Variants in SLC2A14 observed in about 807,000 individuals in gnomAD.
SLC2A14 encodes the protein solute carrier family 2, facilitated glucose transporter member 14.
In SLC2A14, 13 loss-of-function variants were observed where a neutral mutation model predicts 43.0. The observed-to-expected ratio is 0.30, with a 90% CI of 0.20 to 0.48. SLC2A14 has a LOEUF of 0.48. Ranked by LOEUF, SLC2A14 falls within the 20% of genes least tolerant of loss-of-function variation. The pLI, the probability that SLC2A14 is intolerant of heterozygous loss-of-function variation, is 0.99. For synonymous variants in SLC2A14, 190 were observed against 233.8 expected (o/e 0.81, Z 1.71); for missense variants, 428 against 620.4 (o/e 0.69, Z 3.29).
chr12:7,823,498 A>G (rs1209270296), intron 7 of SLC2A14, among the ~76,000 whole-genome samples: 2 of 152,158 alleles, frequency 1.3e-5, no homozygotes, highest in Non-Finnish European at 2.9e-5. Context: ...CAAGGCGGGC[A>G]GATCACCTTA....
rs369904214 is a variant in SLC2A14, at chr12:7,862,582, G to A, written c.18+7281C>T. ...GCTAAGGAATGCGAGCACATGGCGC[G>A]GGACTGGCAGGCAGCTCCACCTGCA... On this transcript the variant is annotated intron_variant, in intron 2 of 10. Transcript: ENST00000431042. Among the ~76,000 whole-genome samples the A allele has an allele frequency of 6.6e-5, 10 of 152,256 alleles. No homozygotes were observed. In the South Asian group the frequency reaches 8.3e-4, roughly 13 times the overall value.
intron 10 of SLC2A14, among the ~76,000 whole-genome samples, chr12:7,817,345 C>A (rs1020837628): frequency 1.3e-5 from 2 of 152,034 alleles, no homozygotes; most frequent in African/African-American, 2.4e-5. Context: ...TACCTCCCGA[C>A]CTCAGGTGAT....
upstream of SLC2A14, chr12:7,873,313 G>T: frequency 2.0e-6 from 2 of 985,328 alleles, no homozygotes; most frequent in Non-Finnish European, 2.4e-6. Flanking sequence ...GGGCGGGCCG[G>T]CTGGGCTGGG....
chr12:7,847,268 A>G (rs1372889558), intron 2 of SLC2A14, among the ~76,000 whole-genome samples: 1 of 152,012 alleles, frequency 6.6e-6, no homozygotes, highest in Non-Finnish European at 1.5e-5. Context: ...AGAAAAGAAA[A>G]GGAAAGAAAA....
intron 6 of SLC2A14, 40 bp from the exon 7 acceptor site, chr12:7,827,722 G>A (rs1378232278): frequency 7.4e-7 from 1 of 1,358,076 alleles, no homozygotes; most frequent in Non-Finnish European, 9.9e-7. Context: ...AAGAGAATGT[G>A]CTGCCCCAAA....
intron 2 of SLC2A14, among the ~76,000 whole-genome samples, chr12:7,837,645 A>AAAAAAAAAAAAAAAAAC (rs1865568243): frequency 7.2e-6 from 1 of 138,682 alleles, no homozygotes; most frequent in African/African-American, 2.7e-5. Context: ...TCTCAAAAAA[A>AAAAAAAAAAAAAAAAAC]AAAAAAAAAA....
At chr12:7,880,475 C>CAAA (rs112149113) in intron 1 of SLC2A14, among the ~76,000 whole-genome samples, 75,612 of 145,228 alleles carry the variant, frequency 0.52, 20,437 homozygotes, top group Admixed American at 0.63. Flanking sequence ...ACTCTTGTCT[C>CAAA]AAAAAAAAAA....
chr12:7,875,963 A>G (rs4503616), upstream of SLC2A14, among the ~76,000 whole-genome samples: 128,741 of 151,120 alleles, frequency 0.85, 55,154 homozygotes, highest in South Asian at 0.96. Context: ...GCTACAGAAC[A>G]AGACTTCGTC....
At chr12:7,815,190 C>A (rs1462558844) in intron 10 of SLC2A14, among the ~76,000 whole-genome samples, 1 of 151,766 alleles carries the variant, frequency 6.6e-6, no homozygotes, top group African/African-American at 2.4e-5. Context: ...GCAGGTGGAT[C>A]CCTTGAGGCC....
chr12:7,874,804 A>C (rs1225921112), upstream of SLC2A14, among the ~76,000 whole-genome samples: 1 of 74,338 alleles, frequency 1.3e-5, no homozygotes, highest in Non-Finnish European at 2.5e-5. Flanking sequence ...TAAATAATAT[A>C]TAAATACGTA....
At chr12:7,840,444 A>G (rs190512412) in intron 2 of SLC2A14, among the ~76,000 whole-genome samples, 1 of 152,076 alleles carries the variant, frequency 6.6e-6, no homozygotes, top group East Asian at 1.9e-4. Context: ...CAATGGCGTG[A>G]TTTCGGCTCA....
chr12:7,825,182 T>C lies in SLC2A14; in HGVS notation c.864+2313A>G, dbSNP rs777149556. On this transcript the variant is annotated intron_variant, in intron 7 of 10. Transcript: ENST00000431042. ...GTCCAACAATAATTAAGGTATAGGCTGGGCATGGTGGCTCATGCCTGTAAT... is the reference window on the plus strand; with the variant it reads ...GTCCAACAATAATTAAGGTATAGGCCGGGCATGGTGGCTCATGCCTGTAAT... Among the ~76,000 whole-genome samples, 59 of 151,856 alleles carry C rather than the reference T, an allele frequency of 3.9e-4. 1 individual carries two copies. In the South Asian group the frequency reaches 0.01, roughly 27 times the overall value.
chr12:7,863,497 C>T (rs1944723484), intron 2 of SLC2A14: 5 of 436,120 alleles, frequency 1.1e-5, no homozygotes, highest in Non-Finnish European at 2.3e-5. Context: ...TGTGCTGGTG[C>T]ATGCCTGTAG....
intron 2 of SLC2A14, among the ~76,000 whole-genome samples, chr12:7,863,679 A>G (rs1382767249): frequency 3.3e-5 from 5 of 152,100 alleles, no homozygotes; most frequent in Admixed American, 1.3e-4. Context: ...TCATTGACAT[A>G]TAAACTAAAT....
intron 7 of SLC2A14, among the ~76,000 whole-genome samples, chr12:7,822,433 C>T (rs921063313): frequency 4.6e-5 from 7 of 151,530 alleles, no homozygotes; most frequent in African/African-American, 1.7e-4. Context: ...TTTGGGAGGC[C>T]GAGGCGGGCA....
In SLC2A14 at chr12:7,880,731, G is replaced by T. The variant is rs191884853; in HGVS notation, c.132+10265C>A. On this transcript the variant is annotated intron_variant, in intron 1 of 9. Coordinates refer to the SLC2A14 transcript ENST00000539924. ...AAAAAAAAAGAGAGAAATTGGCCGG[G>T]CGCAGTGGCTCATGCTTGTAATCCC... Among the ~76,000 whole-genome samples the T allele has an allele frequency of 6.0e-3, 909 of 151,074 alleles. 19 individuals are homozygous for T. Among genetic ancestry groups the T allele is most frequent in the African/African-American group, 0.021 (874 of 41,110 alleles).
rs750224238 is a variant in SLC2A14 at position 7,855,322 on chromosome 12, G to C, written c.18+14541C>G. Among the ~76,000 whole-genome samples, 325 of 152,016 alleles carry C rather than the reference G, an allele frequency of 2.1e-3. 1 individual carries two copies. The highest frequency in any genetic ancestry group is 7.7e-3 in the African/African-American group (318 of 41,466). On this transcript the variant is annotated intron_variant, in intron 2 of 10. Coordinates refer to ENST00000431042, the MANE Select transcript of SLC2A14 (RefSeq NM_001286234.2). ...CTATTTGTTTTCATTTTTATTTCTT[G>C]GAGATGGGGTCTCCCTATGTTGCCC...
chr12:7,868,828 C>T (rs1361816013), intron 2 of SLC2A14, among the ~76,000 whole-genome samples: 1 of 151,772 alleles, frequency 6.6e-6, no homozygotes, highest in African/African-American at 2.4e-5. Context: ...GCCAACATGG[C>T]GAAACCCTGT....
Position 7,812,849 on chromosome 12 carries a change from G to A in SLC2A14, c.*1467C>T, listed in dbSNP as rs1863150943. ...GGGAAAGGGAGACTGAGCAACATAT[G>A]AAAAAGGGGCTGTAGGAACAAACAC... On this transcript the variant is annotated 3_prime_UTR_variant, in exon 11 of 11. Coordinates refer to ENST00000431042, the MANE Select transcript of SLC2A14 (RefSeq NM_001286234.2). 6.6e-6 allele frequency: 1 copy of A among 152,110 alleles called. No individual in the cohort carries two copies. The highest frequency in any genetic ancestry group is 1.5e-5 in the Non-Finnish European group (1 of 68,024). 9.4% of individuals were successfully genotyped at this position (152,110 alleles called of 1,614,324 possible).
Sources: allele counts gnomAD v4.1 joint callset (sites outside exome capture counted in the v4.1 genomes callset), GRCh38; gene constraint gnomAD v4.1.1; transcripts MANE v1.5; gene names NCBI Gene and HGNC (gene_info 2026-07-23, HGNC 2026-07-21).